RIC1: variants seen among roughly 807,000 people sequenced by gnomAD.
RIC1 encodes RIC1 partner of RAB6A GEF complex.
Under a neutral mutation model 169.0 loss-of-function variants are expected in RIC1, and 88 were observed. The observed-to-expected ratio is 0.52, with a 90% CI of 0.44 to 0.62. The LOEUF is 0.62. RIC1 is among the 20% of genes least tolerant of loss of function. The probability of loss-of-function intolerance (pLI) is 0.00; values close to 1 mark genes in which losing one functional copy is unlikely to be tolerated. For missense variants in RIC1, 1,877 were observed against 1,725.5 expected (o/e 1.09, Z -1.56); for synonymous variants, 790 against 601.5 (o/e 1.31, Z -4.59).
chr9:5,653,654 A>G (rs886214613), intron 1 of RIC1, among the ~76,000 whole-genome samples: 23 of 151,526 alleles, frequency 1.5e-4, no homozygotes, highest in Admixed American at 9.9e-4. Flanking sequence ...CTGGAGTGCA[A>G]TGGCGCAGTC....
chr9:5,714,022 A>T lies in RIC1; in HGVS notation c.440+19A>T, dbSNP rs764412788. Reference sequence around the variant, plus strand: ...TCATGAGGTACAGTACTTTGGTTAAATTTGACATTGTGTGATGACAGTAGA... The same window carrying T: ...TCATGAGGTACAGTACTTTGGTTAATTTTGACATTGTGTGATGACAGTAGA... On this transcript the variant is annotated intron_variant, in intron 4 of 25. Coordinates refer to ENST00000414202, the MANE Select transcript of RIC1 (RefSeq NM_020829.4). 2 of 1,526,098 alleles carry T rather than the reference A, an allele frequency of 1.3e-6. No individual in the cohort carries two copies. The highest frequency in any genetic ancestry group is 1.7e-5 in the Admixed American group (1 of 59,444). The allele number at this position is 1,526,098 out of a possible 1,614,324, so 94.5% of individuals were successfully genotyped here. A position where few individuals can be genotyped will look rare whatever the true frequency, so the allele number is the denominator to read the frequency against.
downstream of RIC1, among the ~76,000 whole-genome samples, chr9:5,777,183 C>T (rs182064211): frequency 5.9e-5 from 9 of 152,072 alleles, no homozygotes; most frequent in East Asian, 3.9e-4. Context: ...TTAATTAGGT[C>T]GTTTCATTGT....
chr9:5,726,634 G>A (rs1319893001), intron 6 of RIC1, among the ~76,000 whole-genome samples: 3 of 152,200 alleles, frequency 2.0e-5, no homozygotes, highest in Non-Finnish European at 4.4e-5. Context: ...AGTTGATGCA[G>A]TTTCTTCCTA....
rs1336784201 is a variant in RIC1 at position 5,711,692 on chromosome 9, A to G, written c.333-2204A>G. On this transcript the variant is annotated intron_variant, in intron 3 of 25. Coordinates refer to ENST00000414202, the MANE Select transcript of RIC1 (RefSeq NM_020829.4). Reference sequence around the variant, plus strand: ...CTGCACCCATTAACTCGTCATTTACATTAGGTATATCTCCTAATGCTATCC... The same window carrying G: ...CTGCACCCATTAACTCGTCATTTACGTTAGGTATATCTCCTAATGCTATCC... 2.0e-5 allele frequency among the ~76,000 whole-genome samples: 3 copies of G among 152,112 alleles called. No individual in the cohort carries two copies. The East Asian group carries it at 5.8e-4, about 29-fold the overall frequency.
At chr9:5,674,522 C>G (rs1820322632) in intron 2 of RIC1, among the ~76,000 whole-genome samples, 1 of 152,052 alleles carries the variant, frequency 6.6e-6, no homozygotes, top group Non-Finnish European at 1.5e-5. Flanking sequence ...ATTCACCACT[C>G]CAAAAGGGAA....
chr9:5,732,073 T>C (rs1824401525), intron 6 of RIC1, among the ~76,000 whole-genome samples: 1 of 152,216 alleles, frequency 6.6e-6, no homozygotes, highest in Admixed American at 6.5e-5. Flanking sequence ...ATGTTTACAT[T>C]CTAACAAGAA....
chr9:5,634,698 C>G (rs1817884420), intron 1 of RIC1, among the ~76,000 whole-genome samples: 1 of 152,016 alleles, frequency 6.6e-6, no homozygotes, highest in African/African-American at 2.4e-5. Context: ...GTTTTCTTTA[C>G]TGTACAATAA....
At chr9:5,654,080 A>G (rs1013621091) in intron 1 of RIC1, among the ~76,000 whole-genome samples, 2 of 151,898 alleles carry the variant, frequency 1.3e-5, no homozygotes, top group Admixed American at 6.6e-5. Context: ...GCTCACTGCA[A>G]CCTCTGCCTC....
intron 2 of RIC1, among the ~76,000 whole-genome samples, chr9:5,675,494 C>T (rs1341197216): frequency 1.3e-5 from 2 of 152,056 alleles, no homozygotes; most frequent in Non-Finnish European, 2.9e-5. Context: ...TTTTCAGTGG[C>T]CAAAAATATT....
intron 10 of RIC1, among the ~76,000 whole-genome samples, 168 bp downstream of exon 10, chr9:5,743,905 C>A (rs1321057928): frequency 6.6e-6 from 1 of 152,044 alleles, no homozygotes; most frequent in Non-Finnish European, 1.5e-5. Context: ...TCTAAGCGAT[C>A]CTCCTGCCTC....
chr9:5,669,039 G>C (rs1373828977), intron 2 of RIC1, among the ~76,000 whole-genome samples: 1 of 152,222 alleles, frequency 6.6e-6, no homozygotes, highest in Non-Finnish European at 1.5e-5. Flanking sequence ...AGCCCTCAGA[G>C]ATTGCTGGGG....
chr9:5,670,877 T>A (rs1436915310), intron 2 of RIC1, among the ~76,000 whole-genome samples: 1 of 152,202 alleles, frequency 6.6e-6, no homozygotes, highest in African/African-American at 2.4e-5. Context: ...TGGGTGCTGC[T>A]GATTGGTTAG....
intron 25 of RIC1, 95 bp downstream of exon 25, chr9:5,773,175 A>G (rs1488137806): frequency 2.1e-6 from 1 of 476,374 alleles, no homozygotes; most frequent in Non-Finnish European, 3.4e-6. Context: ...CATGTGTTAC[A>G]TTTTATTTAT....
In RIC1 at chr9:5,664,742, G is replaced by T. The variant is rs540274765; in HGVS notation, c.252+8052G>T. The stretch of plus-strand genomic sequence containing the variant: ...GTTCCATTCTCCCCATCTCTTTCAG[G>T]TACCCCAGTCAGTCTTAGGTTCAGT... On this transcript the variant is annotated intron_variant, in intron 2 of 25. Transcript: ENST00000414202. 5.3e-5 allele frequency among the ~76,000 whole-genome samples: 8 copies of T among 152,172 alleles called. No homozygotes were observed. In the South Asian group the frequency reaches 1.7e-3, roughly 32 times the overall value.
At chr9:5,665,266 T>C (rs181324294) in intron 2 of RIC1, among the ~76,000 whole-genome samples, 1 of 152,282 alleles carries the variant, frequency 6.6e-6, no homozygotes, top group Admixed American at 6.5e-5. Context: ...TTGTCAGTGG[T>C]GTGTTAAAGT....
chr9:5,674,060 G>T (rs1362435798), intron 2 of RIC1, among the ~76,000 whole-genome samples: 1 of 152,066 alleles, frequency 6.6e-6, no homozygotes, highest in Non-Finnish European at 1.5e-5. Flanking sequence ...CATCAGTTTG[G>T]ATTTAAAAAC....
intron 2 of RIC1, 100 bp downstream of exon 2, chr9:5,656,790 C>T: frequency 1.5e-6 from 1 of 676,734 alleles, no homozygotes. Context: ...CTTTTGCACT[C>T]ATAAGTATTT....
intron 1 of RIC1, among the ~76,000 whole-genome samples, chr9:5,634,006 T>G (rs1443398679): frequency 6.6e-6 from 1 of 152,218 alleles, no homozygotes; most frequent in Non-Finnish European, 1.5e-5. Flanking sequence ...TTGTCTTGCT[T>G]ACTTAGTATA....
At chr9:5,650,167 T>G (rs1260674077) in intron 1 of RIC1, among the ~76,000 whole-genome samples, 1 of 152,132 alleles carries the variant, frequency 6.6e-6, no homozygotes, top group Non-Finnish European at 1.5e-5. Context: ...CCATATGGCT[T>G]GCTTAGGTGC....
Sources: gnomAD v4.1 joint callset for allele counts (sites outside exome capture counted in the v4.1 genomes callset) on GRCh38, gnomAD v4.1.1 for gene constraint, MANE v1.5 for transcripts, NCBI Gene and HGNC (gene_info 2026-07-23, HGNC 2026-07-21) for gene names.